Variants in CPEB3 observed in about 807,000 individuals in gnomAD.
CPEB3 encodes cytoplasmic polyadenylation element-binding protein 3.
CPEB3 carries 20 observed loss-of-function variants against 67.2 expected under a neutral mutation model. The ratio of observed to expected loss-of-function variants is 0.30; its 90% CI spans 0.21 to 0.43. The LOEUF (loss-of-function observed/expected upper bound fraction) is 0.43. Among genes scored for constraint, CPEB3 ranks in the 20% least tolerant of loss-of-function variants. The pLI, the probability that CPEB3 is intolerant of heterozygous loss-of-function variation, is 1.00. For synonymous variants in CPEB3, 376 were observed against 393.1 expected (o/e 0.96, Z 0.51); for missense variants, 746 against 968.6 (o/e 0.77, Z 3.05).
At chr10:92,073,543 A>G (rs899913809) in intron 9 of CPEB3, among the ~76,000 whole-genome samples, 2 of 151,976 alleles carry the variant, frequency 1.3e-5, no homozygotes, top group Admixed American at 6.6e-5. Flanking sequence ...GGCTTAATAG[A>G]TCCTCCTGCC....
intron 1 of CPEB3, among the ~76,000 whole-genome samples, chr10:92,272,622 C>T (rs1443896010): frequency 6.6e-6 from 1 of 151,972 alleles, no homozygotes; most frequent in South Asian, 2.1e-4. Flanking sequence ...TAGTGAACAC[C>T]CTCCATGGGC....
chr10:92,251,404 T>C (rs1051212306), intron 1 of CPEB3, among the ~76,000 whole-genome samples: 1 of 152,160 alleles, frequency 6.6e-6, no homozygotes, highest in Admixed American at 6.6e-5. Flanking sequence ...TCTCTCTCTC[T>C]CTCTCTTCTT....
chr10:92,221,265 G>A (rs1348340323), intron 2 of CPEB3, among the ~76,000 whole-genome samples: 7 of 152,206 alleles, frequency 4.6e-5, no homozygotes, highest in Admixed American at 4.6e-4. Flanking sequence ...GGCCATGGCA[G>A]GTGGATCACT....
chr10:92,281,899 T>C (rs895723130), intron 1 of CPEB3, among the ~76,000 whole-genome samples: 2 of 152,198 alleles, frequency 1.3e-5, no homozygotes, highest in African/African-American at 4.8e-5. Context: ...GCTAACGCAG[T>C]GAAAAATGCA....
chr10:92,121,428 C>T (rs573210684), intron 6 of CPEB3, among the ~76,000 whole-genome samples: 4 of 148,802 alleles, frequency 2.7e-5, no homozygotes, highest in South Asian at 4.2e-4. Context: ...CGAGCATGCA[C>T]GCAAAAATGT....
chr10:92,125,250 A>C (rs934744405), intron 6 of CPEB3, among the ~76,000 whole-genome samples: 1 of 152,230 alleles, frequency 6.6e-6, no homozygotes, highest in Non-Finnish European at 1.5e-5. Flanking sequence ...GTGCCCCTAG[A>C]CTGCTGAAGC....
At chr10:92,186,758 T>C (rs1333159318) in intron 3 of CPEB3, among the ~76,000 whole-genome samples, 1 of 152,164 alleles carries the variant, frequency 6.6e-6, no homozygotes, top group Non-Finnish European at 1.5e-5. Flanking sequence ...GTAATTTAAA[T>C]GCTATGCTTA....
At chr10:92,215,204 G>A (rs1439258457) in intron 2 of CPEB3, among the ~76,000 whole-genome samples, 2 of 150,380 alleles carry the variant, frequency 1.3e-5, no homozygotes, top group African/African-American at 4.9e-5. Flanking sequence ...CCGGGCTAGA[G>A]TGCAGTAGTG....
intron 4 of CPEB3, among the ~76,000 whole-genome samples, chr10:92,155,901 T>C (rs2133915608): frequency 6.6e-6 from 1 of 152,292 alleles, no homozygotes; most frequent in South Asian, 2.1e-4. Context: ...TAGGCGACTT[T>C]ATATTCTTGA....
At chr10:92,265,353 C>T (rs1853006542) in intron 1 of CPEB3, among the ~76,000 whole-genome samples, 1 of 152,036 alleles carries the variant, frequency 6.6e-6, no homozygotes, top group Admixed American at 6.6e-5. Context: ...AGAGTTAAAC[C>T]CATCTCCCAG....
intron 3 of CPEB3, among the ~76,000 whole-genome samples, chr10:92,186,445 T>A (rs1024902876): frequency 2.0e-5 from 3 of 151,716 alleles, no homozygotes; most frequent in African/African-American, 7.3e-5. Flanking sequence ...GATTTTTTTT[T>A]TTTTTTTTAG....
At chr10:92,180,006 C>T (rs1201245156) in intron 4 of CPEB3, among the ~76,000 whole-genome samples, 1 of 152,118 alleles carries the variant, frequency 6.6e-6, no homozygotes, top group African/African-American at 2.4e-5. Context: ...TCTGATATCA[C>T]TCATTTACTA....
At chr10:92,109,510 C>T (rs1844629802) in intron 7 of CPEB3, among the ~76,000 whole-genome samples, 2 of 152,046 alleles carry the variant, frequency 1.3e-5, no homozygotes, top group Non-Finnish European at 2.9e-5. Flanking sequence ...CCTTGGCCTC[C>T]CAAAGTGCTG....
intron 6 of CPEB3, among the ~76,000 whole-genome samples, chr10:92,129,983 G>T (rs1331494008): frequency 6.6e-6 from 1 of 152,152 alleles, no homozygotes; most frequent in Admixed American, 6.5e-5. Context: ...GCTGCAGTGA[G>T]CCATGATTGT....
intron 1 of CPEB3, among the ~76,000 whole-genome samples, chr10:92,242,464 CAGAA>C (rs1180481822): frequency 6.6e-6 from 1 of 152,150 alleles, no homozygotes; most frequent in East Asian, 1.9e-4. Context: ...AAGATGGTCA[CAGAA>C]AGAGACATTT....
chr10:92,159,791 C>A (rs1231522619), intron 4 of CPEB3, among the ~76,000 whole-genome samples: 7 of 152,216 alleles, frequency 4.6e-5, no homozygotes, highest in Non-Finnish European at 1.5e-5. Context: ...TTTTCTACTA[C>A]TTTCCACTTT....
At chr10:92,187,449 G>C (rs1848745202) in intron 3 of CPEB3, among the ~76,000 whole-genome samples, 2 of 152,196 alleles carry the variant, frequency 1.3e-5, no homozygotes, top group South Asian at 2.1e-4. Context: ...TTTTTCTGCT[G>C]TAAGAGGGAA....
chr10:92,063,593 G>A (rs1842438769), intron 9 of CPEB3, among the ~76,000 whole-genome samples: 2 of 151,968 alleles, frequency 1.3e-5, no homozygotes, highest in Non-Finnish European at 2.9e-5. Flanking sequence ...TGAAACCCCC[G>A]TCTCTACTAA....
At chr10:92,124,602 C>T (rs1226158833) in intron 6 of CPEB3, among the ~76,000 whole-genome samples, 1 of 151,988 alleles carries the variant, frequency 6.6e-6, no homozygotes, top group Admixed American at 6.6e-5. Context: ...AAGCCAGGAC[C>T]TGATTTTTTT....
Sources: allele counts gnomAD v4.1 joint callset (sites outside exome capture counted in the v4.1 genomes callset), GRCh38; gene constraint gnomAD v4.1.1; transcripts MANE v1.5; gene names NCBI Gene and HGNC (gene_info 2026-07-23, HGNC 2026-07-21).